Variants in DUSP26 observed in about 807,000 individuals in gnomAD.
The protein encoded by DUSP26 is dual specificity phosphatase 26.
Under a neutral mutation model 20.0 loss-of-function variants are expected in DUSP26, and 12 were observed. The ratio of observed to expected loss-of-function variants is 0.60; its 90% CI spans 0.38 to 0.97. The LOEUF is 0.97. Ranked by LOEUF, DUSP26 falls within the 50% of genes least tolerant of loss-of-function variation. The pLI is 0.00. For missense variants in DUSP26, 230 were observed against 294.0 expected (o/e 0.78, Z 1.59); for synonymous variants, 120 against 118.8 (o/e 1.01, Z -0.06).
intron 2 of DUSP26, among the ~76,000 whole-genome samples, chr8:33,594,182 A>G (rs1811089716): frequency 6.6e-6 from 1 of 152,112 alleles, no homozygotes. Flanking sequence ...GAAGGGAGGA[A>G]CCAAGATGGG....
chr8:33,596,679 C>T (rs537824311), intron 2 of DUSP26, among the ~76,000 whole-genome samples: 2 of 152,248 alleles, frequency 1.3e-5, no homozygotes, highest in South Asian at 2.1e-4. Flanking sequence ...ATGGCTCTTC[C>T]TTTGATGTTT....
rs754649348 is a variant in DUSP26 at position 33,593,660 on chromosome 8, G to A, written c.309C>T (p.Pro103=). ...GGATGCCCAGCCCCTCATAGGCCTC[G>A]GGCGTGCCTCGCCACCGGCTGTGTG... The part of the protein sequence containing the change: ...NASHSRWRGT[P]EAYEGLGIRY... The change falls in exon 3 of 4, where the codon CCC becomes CCT. Residue 103 remains proline (P), a synonymous_variant. Transcript: ENST00000256261. 3.0e-5 allele frequency: 48 copies of A among 1,614,040 alleles called. No individual in the cohort carries two copies. Among genetic ancestry groups the A allele is most frequent in the Non-Finnish European group, 3.3e-5 (39 of 1,180,044 alleles).
Position 33,592,183 on chromosome 8 carries a change from C to G in DUSP26, c.466G>C (p.Val156Leu). ...GKILVHCAVGVSRSATLVLAY... is the reference protein window; with the variant it reads ...GKILVHCAVGLSRSATLVLAY... ...AGTACCAGGGTGGCGGATCGGCTCACGCCCACAGCACAATGCACCAGGATC... is the reference window on the plus strand; with the variant it reads ...AGTACCAGGGTGGCGGATCGGCTCAGGCCCACAGCACAATGCACCAGGATC... Residue 156 changes from valine (V) to leucine (L), a missense_variant, in exon 4 of 4, where the codon GTG becomes CTG. Val to Leu is a conservative substitution (Grantham distance 32). Coordinates refer to ENST00000256261, the MANE Select transcript of DUSP26 (RefSeq NM_024025.3). 1 of 1,613,028 alleles carries G rather than the reference C, an allele frequency of 6.2e-7. No homozygotes were observed.
rs140701765 is a variant in DUSP26 at position 33,599,335 on chromosome 8, C to T, written c.-77+330G>A. ...AAGGATCTCCGTGGGGCTGTTTTTC[C>T]CGGGGGATGCAGAAGCCCCTTTCTG... On this transcript the variant is annotated intron_variant, in intron 1 of 3. Coordinates refer to ENST00000256261, the MANE Select transcript of DUSP26 (RefSeq NM_024025.3). Among the ~76,000 whole-genome samples, 217 of 152,330 alleles carry T rather than the reference C, an allele frequency of 1.4e-3. 1 individual carries two copies. The highest frequency in any genetic ancestry group is 4.7e-3 in the African/African-American group (194 of 41,580).
rs570316946 is a variant in DUSP26, at chr8:33,592,787, A to G, written c.437-575T>C. On this transcript the variant is annotated intron_variant, in intron 3 of 3. Coordinates refer to ENST00000256261, the MANE Select transcript of DUSP26 (RefSeq NM_024025.3). ...TGTAAGAGCCAGCTTTGCATAGAGT[A>G]GCGTGAATGAGTCCATTGAAAACAC... Among the ~76,000 whole-genome samples the G allele has an allele frequency of 5.9e-5, 9 of 152,302 alleles. No individual in the cohort carries two copies. The East Asian group carries it at 1.7e-3, about 29-fold the overall frequency.
At chr8:33,596,148 G>A (rs1019811960) in intron 2 of DUSP26, among the ~76,000 whole-genome samples, 3 of 152,316 alleles carry the variant, frequency 2.0e-5, no homozygotes, top group Admixed American at 1.3e-4. Flanking sequence ...GCTGTGTGTG[G>A]TGATGGGCGT....
In DUSP26 at chr8:33,593,749, T is replaced by C. The variant is rs763036005; in HGVS notation, c.222-2A>G. On this transcript the variant is annotated splice_acceptor_variant, in intron 2 of 3. Transcript: ENST00000256261. LOFTEE classifies it high-confidence loss of function. ...TCCCGGCGGTTGTTAGCCATGTCCC[T>C]GCATTGAGTAGAGGTTAGAGGAAGG... The C allele has an allele frequency of 6.2e-7, 1 of 1,614,074 alleles. No homozygotes were observed.
At chr8:33,595,575 T>G (rs1339296404) in intron 2 of DUSP26, among the ~76,000 whole-genome samples, 1 of 151,994 alleles carries the variant, frequency 6.6e-6, no homozygotes, top group Non-Finnish European at 1.5e-5. Context: ...GAGACGGGGT[T>G]TCACTATCTT....
intron 2 of DUSP26, among the ~76,000 whole-genome samples, chr8:33,595,648 G>C (rs912737972): frequency 3.9e-5 from 6 of 151,942 alleles, no homozygotes; most frequent in Admixed American, 2.0e-4. Context: ...CAAAGTGCTG[G>C]GATTACAGAT....
At chr8:33,595,010 CTG>C (rs1348995128) in intron 2 of DUSP26, among the ~76,000 whole-genome samples, 1 of 152,270 alleles carries the variant, frequency 6.6e-6, no homozygotes, top group Admixed American at 6.5e-5. Context: ...GCGTGAGCCA[CTG>C]TGCCTGGCCA....
chr8:33,595,044 G>A (rs1811110124), intron 2 of DUSP26, among the ~76,000 whole-genome samples: 1 of 152,102 alleles, frequency 6.6e-6, no homozygotes, highest in African/African-American at 2.4e-5. Context: ...TTTCATACAA[G>A]GAAGTACATT....
chr8:33,591,903 G>C lies in DUSP26; in HGVS notation c.*110C>G, dbSNP rs886656525. 6.2e-6 allele frequency: 8 copies of C among 1,297,936 alleles called. No individual in the cohort carries two copies. Among genetic ancestry groups the C allele is most frequent in the East Asian group, 2.5e-5 (1 of 40,760 alleles). 80.4% of individuals were successfully genotyped at this position (1,297,936 alleles called of 1,614,324 possible). A position where few individuals can be genotyped will look rare whatever the true frequency, so the allele number is the denominator to read the frequency against. ...GGGGCTCGGCCTCTCCTGACCCCAG[G>C]GGAGGATGGGTGATCTGGGCCTCCT... On this transcript the variant is annotated 3_prime_UTR_variant, in exon 4 of 4. Coordinates refer to ENST00000256261, the MANE Select transcript of DUSP26 (RefSeq NM_024025.3).
In DUSP26 at chr8:33,593,741, C is replaced by T. The variant is rs751528051; in HGVS notation, c.228G>A (p.Met76Ile). The change falls in exon 3 of 4, where the codon ATG (methionine) becomes ATA (isoleucine). Residue 76 changes from methionine (M) to isoleucine (I), a missense_variant. Transcript: ENST00000256261. ...GGCGAAGCTCCCGGCGGTTGTTAGC[C>T]ATGTCCCTGCATTGAGTAGAGGTTA... Reference protein sequence around the residue: ...WPGLYLGDQDMANNRRELRRL... With the variant: ...WPGLYLGDQDIANNRRELRRL... 6 of 1,614,018 alleles carry T rather than the reference C, an allele frequency of 3.7e-6. No individual in the cohort carries two copies. Among genetic ancestry groups the T allele is most frequent in the Non-Finnish European group, 5.1e-6 (6 of 1,180,012 alleles).
Position 33,597,539 on chromosome 8 carries a change from C to G in DUSP26, c.-24G>C, listed in dbSNP as rs769462040. 1 of 1,587,060 alleles carries G rather than the reference C, an allele frequency of 6.3e-7. No homozygotes were observed. Among genetic ancestry groups the G allele is most frequent in the South Asian group, 1.2e-5 (1 of 86,108 alleles). Reference sequence around the variant, plus strand: ...ATCTTAGAGGTGGCAGAAACCGTGGCAGCTGCAGGAGTGGCTGTGGTGATG... The same window carrying G: ...ATCTTAGAGGTGGCAGAAACCGTGGGAGCTGCAGGAGTGGCTGTGGTGATG... On this transcript the variant is annotated 5_prime_UTR_variant, in exon 2 of 4. Transcript: ENST00000256261.
chr8:33,595,242 C>G (rs2349517), intron 2 of DUSP26, among the ~76,000 whole-genome samples: 3,895 of 152,276 alleles, frequency 0.026, 104 homozygotes, highest in East Asian at 0.13. Flanking sequence ...TAGTATGGTT[C>G]TGACATCCAC....
chr8:33,595,328 T>C (rs1381926307), intron 2 of DUSP26, among the ~76,000 whole-genome samples: 1 of 152,064 alleles, frequency 6.6e-6, no homozygotes, highest in Non-Finnish European at 1.5e-5. Flanking sequence ...AGATATTCCA[T>C]GGCTCACATT....
intron 2 of DUSP26, among the ~76,000 whole-genome samples, chr8:33,595,351 G>GTTTT (rs34329879): frequency 6.7e-6 from 1 of 149,312 alleles, no homozygotes; most frequent in South Asian, 2.1e-4. Context: ...CTGTGACTGT[G>GTTTT]TTTTTTTTTG....
intron 3 of DUSP26, 149 bp downstream of exon 3, chr8:33,593,384 A>C: frequency 1.1e-6 from 1 of 940,702 alleles, no homozygotes; most frequent in Non-Finnish European, 1.5e-6. Context: ...ATTGCTTTAA[A>C]AAAATGGTTG....
chr8:33,591,890 C>T lies in DUSP26; in HGVS notation c.*123G>A. ...GTGACAGTGGCCTGGGGCTCGGCCTCTCCTGACCCCAGGGGAGGATGGGTG... is the reference window on the plus strand; with the variant it reads ...GTGACAGTGGCCTGGGGCTCGGCCTTTCCTGACCCCAGGGGAGGATGGGTG... On this transcript the variant is annotated 3_prime_UTR_variant, in exon 4 of 4. Coordinates refer to ENST00000256261, the MANE Select transcript of DUSP26 (RefSeq NM_024025.3). 1 of 1,181,212 alleles carries T rather than the reference C, an allele frequency of 8.5e-7. No homozygotes were observed. The highest frequency in any genetic ancestry group is 1.2e-6 in the Non-Finnish European group (1 of 844,124). The allele number at this position is 1,181,212 out of a possible 1,614,324, so 73.2% of individuals were successfully genotyped here.
Sources: allele counts gnomAD v4.1 joint callset (sites outside exome capture counted in the v4.1 genomes callset), GRCh38; gene constraint gnomAD v4.1.1; transcripts MANE v1.5; gene names NCBI Gene and HGNC (gene_info 2026-07-23, HGNC 2026-07-21).